GPRIN2: variants seen among roughly 807,000 people sequenced by gnomAD.
GPRIN2 encodes the protein G protein-regulated inducer of neurite outgrowth 2.
Under a neutral mutation model 0.3 loss-of-function variants are expected in GPRIN2, and 1 was observed. That is an observed-to-expected ratio of 3.90 (90% confidence interval 1.39 to 18.51). The LOEUF is 18.51. Ranked by LOEUF, GPRIN2 falls within the 30% of genes most tolerant of loss-of-function variation. The pLI, the probability that GPRIN2 is intolerant of heterozygous loss-of-function variation, is 0.11. For missense variants in GPRIN2, 880 were observed against 604.2 expected (o/e 1.46, Z -4.79); for synonymous variants, 361 against 258.6 (o/e 1.40, Z -3.80).
chr10:46,551,347 C>A, intron 2 of GPRIN2: 1 of 974,908 alleles, frequency 1.0e-6, no homozygotes, highest in Non-Finnish European at 1.2e-6. Flanking sequence ...TGGGCTTCCA[C>A]AACCACCCCC....
At chr10:46,555,761 G>T (rs1843131190) in intron 1 of GPRIN2, among the ~76,000 whole-genome samples, 2 of 152,308 alleles carry the variant, frequency 1.3e-5, no homozygotes, top group South Asian at 4.1e-4. Context: ...CACCTAGGTG[G>T]AGAGGGTGCC....
rs1029948102 is a variant in GPRIN2 at position 46,549,281 on chromosome 10, G to C, written c.*79C>G. 1.4e-6 allele frequency: 2 copies of C among 1,432,134 alleles called. No individual in the cohort carries two copies. The highest frequency in any genetic ancestry group is 5.1e-5 in the East Asian group (2 of 39,034). 88.7% of individuals were successfully genotyped at this position (1,432,134 alleles called of 1,614,324 possible). ...GCCCAGCTGCCGGTGGGTCCAGGGGGCACGGAGCCCCCACCGTCCCTGGCC... is the reference window on the plus strand; with the variant it reads ...GCCCAGCTGCCGGTGGGTCCAGGGGCCACGGAGCCCCCACCGTCCCTGGCC... On this transcript the variant is annotated 3_prime_UTR_variant, in exon 3 of 3. Transcript: ENST00000374314.
intron 2 of GPRIN2, among the ~76,000 whole-genome samples, chr10:46,553,651 C>T (rs1257325388): frequency 2.0e-5 from 3 of 152,310 alleles, no homozygotes; most frequent in Non-Finnish European, 4.4e-5. Flanking sequence ...TGCCCAGCAC[C>T]CAGGGCTAGT....
intron 2 of GPRIN2, among the ~76,000 whole-genome samples, chr10:46,552,916 C>T (rs1832083698): frequency 6.6e-6 from 1 of 152,424 alleles, no homozygotes; most frequent in South Asian, 2.1e-4. Flanking sequence ...TGACCCAGAC[C>T]CTGCCCTCAA....
At position 46,550,540 on chromosome 10, in the gene GPRIN2, C is replaced by T. The variant is rs1555020478; in HGVS notation, c.197G>A (p.Gly66Glu). The T allele has an allele frequency of 7.5e-6, 12 of 1,591,086 alleles. No homozygotes were observed. Among genetic ancestry groups the T allele is most frequent in the Middle Eastern group, 1.7e-4 (1 of 5,960 alleles). ...TGGCTTCATGCTCTCAGGCGGGTTC[C>T]CCTCTTCCTCCGGGGCCTGGGGTCT... is the stretch of plus-strand genomic sequence containing the variant. ...STRPQAPEEE[G>E]NPPESMKPAR... Residue 66 changes from glycine (G) to glutamate (E), a missense_variant, in exon 3 of 3, where the codon GGG (glycine) becomes GAG (glutamate). Physicochemically the swap from Gly to Glu is moderately conservative, Grantham distance 98. Coordinates refer to ENST00000374314, the MANE Select transcript of GPRIN2 (RefSeq NM_001385282.1).
chr10:46,554,199 CA>C (rs1842918915), intron 2 of GPRIN2, among the ~76,000 whole-genome samples: 1 of 152,310 alleles, frequency 6.6e-6, no homozygotes, highest in African/African-American at 2.4e-5. Context: ...AGCTTAAGTT[CA>C]TGGTATAACA....
In GPRIN2 at chr10:46,550,553, G is replaced by A; in HGVS notation, c.184C>T (p.Pro62Ser). Residue 62 changes from proline (P) to serine (S), a missense_variant, in exon 3 of 3, where the codon CCG becomes TCG. By Grantham distance (74) the Pro-to-Ser change is moderately conservative. Transcript: ENST00000374314. ...LGEASTRPQA[P>S]EEEGNPPESM... ...TCAGGCGGGTTCCCCTCTTCCTCCG[G>A]GGCCTGGGGTCTGGTGCTGGCCTCG... 1 of 1,587,892 alleles carries A rather than the reference G, an allele frequency of 6.3e-7. No homozygotes were observed.
At chr10:46,557,157 C>T (rs1831750999), upstream of GPRIN2, among the ~76,000 whole-genome samples, 2 of 151,320 alleles carry the variant, frequency 1.3e-5, no homozygotes, top group Admixed American at 6.6e-5. Flanking sequence ...CAGATCCCGC[C>T]CACGAGACCC....
rs1832551891 is a variant in GPRIN2 at position 46,549,916 on chromosome 10, T to C, written c.821A>G (p.His274Arg). The change falls in exon 3 of 3, where the codon CAT becomes CGT. Residue 274 changes from histidine to arginine, a missense_variant. His to Arg is a conservative substitution (Grantham distance 29). Transcript: ENST00000374314. ...SVSESGLQAQ[H>R]GVKIHCRLSG... ...CAACCTACAGTGGATCTTCACCCCATGCTGAGCCTGCAGCCCAGACTCGCT... is the reference window on the plus strand; with the variant it reads ...CAACCTACAGTGGATCTTCACCCCACGCTGAGCCTGCAGCCCAGACTCGCT... The C allele has an allele frequency of 3.7e-6, 6 of 1,614,128 alleles. No individual in the cohort carries two copies. The African/African-American group carries it at 4.0e-5, about 11-fold the overall frequency.
rs1841818418 is a variant in GPRIN2 at position 46,542,237 on chromosome 10, C to T, written c.*7123G>A. 1.3e-5 allele frequency among the ~76,000 whole-genome samples: 2 copies of T among 152,426 alleles called. No individual in the cohort carries two copies. Among genetic ancestry groups the T allele is most frequent in the East Asian group, 1.9e-4 (1 of 5,196 alleles). The stretch of plus-strand genomic sequence containing the variant: ...TCTGAGTGGAGGGGAGAATTCTACC[C>T]CTCCCAGGGTTCCAGCCCCAACAGA... On this transcript the variant is annotated 3_prime_UTR_variant, in exon 3 of 3. Coordinates refer to ENST00000374314, the MANE Select transcript of GPRIN2 (RefSeq NM_001385282.1).
At position 46,544,121 on chromosome 10, in the gene GPRIN2, A is replaced by G. The variant is rs923219409; in HGVS notation, c.*5239T>C. 2.0e-5 allele frequency among the ~76,000 whole-genome samples: 3 copies of G among 152,308 alleles called. No homozygotes were observed. Among genetic ancestry groups the G allele is most frequent in the Non-Finnish European group, 4.4e-5 (3 of 68,054 alleles). ...TCAAAAAGAGTGAGCAAACCTAAAG[A>G]AGGGTTCAATAGGGAAGGTACCAGC... On this transcript the variant is annotated 3_prime_UTR_variant, in exon 3 of 3. Coordinates refer to ENST00000374314, the MANE Select transcript of GPRIN2 (RefSeq NM_001385282.1).
chr10:46,555,600 G>A (rs1831897570), intron 1 of GPRIN2: 21,062 of 141,250 alleles, frequency 0.15, 2 homozygotes, highest in East Asian at 0.33. Context: ...TACATGCCCC[G>A]GGTCACAAGC....
Position 46,548,614 on chromosome 10 carries a change from C to G in GPRIN2, c.*746G>C, listed in dbSNP as rs1419047816. ...CCCCAACCCACACCATGAGCTCAGCCAGGGCAGGGGCAGCCTCTGTCTCAT... is the reference window on the plus strand; with the variant it reads ...CCCCAACCCACACCATGAGCTCAGCGAGGGCAGGGGCAGCCTCTGTCTCAT... On this transcript the variant is annotated 3_prime_UTR_variant, in exon 3 of 3. Coordinates refer to ENST00000374314, the MANE Select transcript of GPRIN2 (RefSeq NM_001385282.1). Among the ~76,000 whole-genome samples, 1 of 152,306 alleles carries G rather than the reference C, an allele frequency of 6.6e-6. No individual in the cohort carries two copies. The highest frequency in any genetic ancestry group is 1.5e-5 in the Non-Finnish European group (1 of 68,056).
In GPRIN2 at chr10:46,550,828, G is replaced by T. The variant is rs1292599353; in HGVS notation, c.-6-86C>A. On this transcript the variant is annotated intron_variant, in intron 2 of 2. Coordinates refer to ENST00000374314, the MANE Select transcript of GPRIN2 (RefSeq NM_001385282.1). ...CTACTATGAACTCCCACAGTGCTAG[G>T]TTCACCAGGGAGCCACCTTCAGTCC... 6 of 1,388,510 alleles carry T rather than the reference G, an allele frequency of 4.3e-6. No homozygotes were observed. In the African/African-American group the frequency reaches 8.8e-5, roughly 20 times the overall value. 86.0% of individuals were successfully genotyped at this position (1,388,510 alleles called of 1,614,324 possible).
rs1163013416 is a variant in GPRIN2, at chr10:46,542,477, T to C, written c.*6883A>G. 6.6e-6 allele frequency among the ~76,000 whole-genome samples: 1 copy of C among 152,308 alleles called. No individual in the cohort carries two copies. The highest frequency in any genetic ancestry group is 6.5e-5 in the Admixed American group (1 of 15,294). Reference sequence around the variant, plus strand: ...TGATGGTTTTATAAGTGTTTGGTAGTTCCTTCTGCATTCATTTTCCTTCCT... The same window carrying C: ...TGATGGTTTTATAAGTGTTTGGTAGCTCCTTCTGCATTCATTTTCCTTCCT... On this transcript the variant is annotated 3_prime_UTR_variant, in exon 3 of 3. Transcript: ENST00000374314.
rs1023141465 is a variant in GPRIN2, at chr10:46,545,966, C to T, written c.*3394G>A. Reference sequence around the variant, plus strand: ...ACTCCAGCTTTAGCCCACTAAGCTACGGTGGCCAACCCCAGCCCAAAGTGT... The same window carrying T: ...ACTCCAGCTTTAGCCCACTAAGCTATGGTGGCCAACCCCAGCCCAAAGTGT... On this transcript the variant is annotated 3_prime_UTR_variant, in exon 3 of 3. Coordinates refer to ENST00000374314, the MANE Select transcript of GPRIN2 (RefSeq NM_001385282.1). 7.2e-5 allele frequency among the ~76,000 whole-genome samples: 11 copies of T among 152,426 alleles called. No individual in the cohort carries two copies. Among genetic ancestry groups the T allele is most frequent in the East Asian group, 5.8e-4 (3 of 5,196 alleles).
At position 46,549,369 on chromosome 10, in the gene GPRIN2, G is replaced by A; in HGVS notation, c.1368C>T (p.Ala456=). 1 of 1,477,036 alleles carries A rather than the reference G, an allele frequency of 6.8e-7. No individual in the cohort carries two copies. The highest frequency in any genetic ancestry group is 9.0e-7 in the Non-Finnish European group (1 of 1,116,130). The allele number at this position is 1,477,036 out of a possible 1,614,324, so 91.5% of individuals were successfully genotyped here. Residue 456 remains alanine, a synonymous_variant, in exon 3 of 3, where the codon GCC becomes GCT. Transcript: ENST00000374314. ...CAAGGGCCACAGCTCCTCACTCGGG[G>A]GCCGCGCCGGAGCAGCCGCAGCAGC... is the stretch of plus-strand genomic sequence containing the variant. ...RPSCCGCSGA[A]PE
intron 2 of GPRIN2, among the ~76,000 whole-genome samples, chr10:46,553,391 A>G (rs1842828609): frequency 6.6e-6 from 1 of 152,310 alleles, no homozygotes; most frequent in South Asian, 2.1e-4. Flanking sequence ...AGCTGTGGTC[A>G]CTGCCAGCCC....
chr10:46,550,757 AAGGG>A lies in GPRIN2; in HGVS notation c.-6-19_-6-16del. ...CTCATGGCTGCCTGCAGAAGAGAGA[AAGGG>A]AGGGAGTGGAGTTGAGTTGGGTGGC... On this transcript the variant is annotated splice_polypyrimidine_tract_variant and intron_variant, in intron 2 of 2. Coordinates refer to ENST00000374314, the MANE Select transcript of GPRIN2 (RefSeq NM_001385282.1). 6.7e-7 allele frequency: 1 copy of A among 1,495,094 alleles called. No homozygotes were observed. Among genetic ancestry groups the A allele is most frequent in the Non-Finnish European group, 8.9e-7 (1 of 1,123,432 alleles). 92.6% of individuals were successfully genotyped at this position (1,495,094 alleles called of 1,614,324 possible).
Sources: allele counts gnomAD v4.1 joint callset (sites outside exome capture counted in the v4.1 genomes callset), GRCh38; gene constraint gnomAD v4.1.1; transcripts MANE v1.5; gene names NCBI Gene and HGNC (gene_info 2026-07-23, HGNC 2026-07-21).